Variants in NPAS3 observed in about 807,000 individuals in gnomAD.
NPAS3 encodes the protein neuronal PAS domain-containing protein 3.
NPAS3 carries 14 observed loss-of-function variants against 73.1 expected under a neutral mutation model. The ratio of observed to expected loss-of-function variants is 0.19; its 90% CI spans 0.13 to 0.30. NPAS3 has a LOEUF of 0.30. Among genes scored for constraint, NPAS3 ranks in the 10% least tolerant of loss-of-function variants. The probability of loss-of-function intolerance (pLI) is 1.00; values close to 1 mark genes in which losing one functional copy is unlikely to be tolerated. For missense variants in NPAS3, 1,096 were observed against 1,250.0 expected, an observed-to-expected ratio of 0.88 and a Z score of 1.86; for synonymous variants, 620 against 541.5, an observed-to-expected ratio of 1.14 and a Z score of -2.01.
chr14:33,114,619 CTCTG>C, intron 2 of NPAS3, among the ~76,000 whole-genome samples: 1 of 152,240 alleles, frequency 6.6e-6, no homozygotes, highest in East Asian at 1.9e-4. Context: ...GAACAATCCT[CTCTG>C]TCTGAGCCTT....
chr14:33,648,926 T>A (rs558580759), intron 5 of NPAS3, among the ~76,000 whole-genome samples: 125 of 152,286 alleles, frequency 8.2e-4, no homozygotes, highest in Non-Finnish European at 1.6e-3. Context: ...GAATTCTAGA[T>A]GAACAGCAGC....
intron 4 of NPAS3, among the ~76,000 whole-genome samples, chr14:33,413,469 A>G (rs1326786732): frequency 1.3e-5 from 2 of 152,100 alleles, no homozygotes. Flanking sequence ...TTTTGGAGAT[A>G]GATATTGATT....
chr14:33,699,044 T>C (rs897636579), intron 6 of NPAS3, among the ~76,000 whole-genome samples: 3 of 152,060 alleles, frequency 2.0e-5, no homozygotes, highest in East Asian at 1.9e-4. Flanking sequence ...CAGGGACACA[T>C]AGGAAACACA....
intron 4 of NPAS3, among the ~76,000 whole-genome samples, chr14:33,485,538 C>T (rs1427524424): frequency 6.6e-6 from 1 of 152,030 alleles, no homozygotes; most frequent in African/African-American, 2.4e-5. Flanking sequence ...TTTAGAGGTC[C>T]CCCGACTACC....
At chr14:33,460,034 G>C (rs992716775) in intron 4 of NPAS3, among the ~76,000 whole-genome samples, 3 of 152,316 alleles carry the variant, frequency 2.0e-5, no homozygotes, top group African/African-American at 7.2e-5. Flanking sequence ...GTGACTGCTA[G>C]ATCCTTCTTG....
chr14:33,552,686 C>T (rs902046700), intron 4 of NPAS3, among the ~76,000 whole-genome samples: 5 of 151,200 alleles, frequency 3.3e-5, no homozygotes, highest in Admixed American at 1.3e-4. Context: ...TTTTTAATGC[C>T]AACAACTTGA....
chr14:33,226,622 T>C (rs914997265), intron 3 of NPAS3, among the ~76,000 whole-genome samples: 3 of 152,190 alleles, frequency 2.0e-5, no homozygotes, highest in African/African-American at 7.2e-5. Flanking sequence ...CAAATACAGT[T>C]GCTAGGAAAT....
intron 3 of NPAS3, among the ~76,000 whole-genome samples, chr14:33,252,989 C>T (rs1045184808): frequency 1.1e-4 from 17 of 152,066 alleles, no homozygotes; most frequent in Admixed American, 8.5e-4. Flanking sequence ...TTTTTATGGC[C>T]ATGTAGTACC....
At chr14:33,068,877 TG>T (rs1381801591) in intron 2 of NPAS3, among the ~76,000 whole-genome samples, 1 of 151,846 alleles carries the variant, frequency 6.6e-6, no homozygotes, top group Non-Finnish European at 1.5e-5. Flanking sequence ...GCCAGTGTGG[TG>T]GGGGCTGAAT....
intron 3 of NPAS3, among the ~76,000 whole-genome samples, chr14:33,325,703 CTAA>C (rs2043671528): frequency 6.8e-6 from 1 of 146,308 alleles, no homozygotes; most frequent in African/African-American, 2.5e-5. Flanking sequence ...GTTGTGTTAT[CTAA>C]TAATAAGTCT....
At chr14:33,328,853 C>A (rs552323902) in intron 3 of NPAS3, among the ~76,000 whole-genome samples, 1 of 152,102 alleles carries the variant, frequency 6.6e-6, no homozygotes, top group Non-Finnish European at 1.5e-5. Context: ...ATATATATTT[C>A]GCTTTATGGC....
intron 4 of NPAS3, among the ~76,000 whole-genome samples, chr14:33,430,869 G>A (rs550846655): frequency 1.3e-5 from 2 of 152,304 alleles, no homozygotes; most frequent in South Asian, 4.1e-4. Context: ...AAGCTGAGGG[G>A]TTTAAGCAGT....
intron 3 of NPAS3, among the ~76,000 whole-genome samples, chr14:33,319,143 C>T (rs2043332438): frequency 7.6e-6 from 1 of 131,548 alleles, no homozygotes; most frequent in South Asian, 2.2e-4. Flanking sequence ...ATAGTTTGGT[C>T]TTTTTCATAA....
rs572554545 is a variant in NPAS3, at chr14:33,526,619, G to A, written c.469-33502G>A. Reference sequence around the variant, plus strand: ...TCAATATATGGAGAAGTGGCAACGAGATCAGGGGAAAAAATCAAACTAGTA... The same window carrying A: ...TCAATATATGGAGAAGTGGCAACGAAATCAGGGGAAAAAATCAAACTAGTA... On this transcript the variant is annotated intron_variant, in intron 4 of 11. Coordinates refer to ENST00000356141, the Ensembl canonical transcript of NPAS3. Among the ~76,000 whole-genome samples, 6 of 151,692 alleles carry A rather than the reference G, an allele frequency of 4.0e-5. No homozygotes were observed. The South Asian group carries it at 1.3e-3, about 32-fold the overall frequency.
intron 1 of NPAS3, among the ~76,000 whole-genome samples, chr14:33,046,958 A>T (rs1351393978): frequency 6.6e-6 from 1 of 152,136 alleles, no homozygotes; most frequent in South Asian, 2.1e-4. Flanking sequence ...TGGGTGACAG[A>T]GTGAGACTCC....
chr14:33,309,793 A>G (rs1194897395), intron 3 of NPAS3, among the ~76,000 whole-genome samples: 2 of 152,164 alleles, frequency 1.3e-5, no homozygotes, highest in Non-Finnish European at 2.9e-5. Flanking sequence ...ACATGGTGAC[A>G]ATTATTTTCT....
chr14:33,764,937 A>G (rs1595572429), intron 7 of NPAS3, among the ~76,000 whole-genome samples: 1 of 152,124 alleles, frequency 6.6e-6, no homozygotes, highest in African/African-American at 2.4e-5. Flanking sequence ...GAAGTGTTCC[A>G]CCCTCTGAGA....
At chr14:33,671,306 C>A (rs1004938473) in intron 5 of NPAS3, among the ~76,000 whole-genome samples, 20 of 152,166 alleles carry the variant, frequency 1.3e-4, no homozygotes, top group Non-Finnish European at 2.2e-4. Flanking sequence ...TTAGCCCCCC[C>A]ATCCTATCTA....
chr14:33,082,303 C>T (rs1209910412), intron 2 of NPAS3, among the ~76,000 whole-genome samples: 4 of 152,110 alleles, frequency 2.6e-5, no homozygotes, highest in Non-Finnish European at 4.4e-5. Flanking sequence ...AAGGCACACA[C>T]GGCTGGAGTT....
Sources: gnomAD v4.1 joint callset for allele counts (sites outside exome capture counted in the v4.1 genomes callset) on GRCh38, gnomAD v4.1.1 for gene constraint, MANE v1.5 for transcripts, NCBI Gene and HGNC (gene_info 2026-07-23, HGNC 2026-07-21) for gene names.